The following COPG2 variants were observed in gnomAD, a reference collection of about 807,000 sequenced individuals.
COPG2 encodes coat protein complex I subunit gamma 2.
COPG2 carries 37 observed loss-of-function variants against 46.3 expected under a neutral mutation model. That is an observed-to-expected ratio of 0.80 (90% CI 0.61 to 1.05). The LOEUF (loss-of-function observed/expected upper bound fraction) is 1.05, where lower values mean the gene tolerates loss of function less well. Among genes scored for constraint, COPG2 ranks in the 50% least tolerant of loss-of-function variants. COPG2 has a pLI of 0.00. For synonymous variants in COPG2, 159 were observed against 129.7 expected (o/e 1.23, Z -1.53); for missense variants, 427 against 387.8 (o/e 1.10, Z -0.85).
intron 5 of COPG2, among the ~76,000 whole-genome samples, chr7:130,639,122 C>T (rs915688519): frequency 6.6e-6 from 1 of 152,186 alleles, no homozygotes; most frequent in African/African-American, 2.4e-5. Context: ...AGAAATCACC[C>T]GCCTTCCACG....
At chr7:130,601,364 G>T (rs539816972) in intron 9 of COPG2, among the ~76,000 whole-genome samples, 91 of 152,226 alleles carry the variant, frequency 6.0e-4, no homozygotes, top group South Asian at 3.5e-3. Flanking sequence ...ACATGCACAC[G>T]TATGTTTATT....
intron 9 of COPG2, 143 bp downstream of exon 9, chr7:130,610,810 A>G (rs782192195): frequency 2.7e-5 from 22 of 819,394 alleles, no homozygotes; most frequent in Non-Finnish European, 3.9e-5. Flanking sequence ...TTGAAATTCC[A>G]TAATTTTTTT....
chr7:130,575,915 G>C (rs1363260997), intron 9 of COPG2, among the ~76,000 whole-genome samples: 1 of 152,166 alleles, frequency 6.6e-6, no homozygotes, highest in Non-Finnish European at 1.5e-5. Context: ...AGGAGGGGTA[G>C]CTATTCTTAT....
At chr7:130,564,233 A>AAGCC (rs1793765826) in intron 10 of COPG2, 27 bp downstream of exon 10, 2 of 398,450 alleles carry the variant, frequency 5.0e-6, no homozygotes, top group African/African-American at 4.1e-5. Context: ...AGGAACATAA[A>AAGCC]AGCCAGCCAT....
chr7:130,560,702 C>G (rs1049217140), intron 12 of COPG2, among the ~76,000 whole-genome samples: 2 of 152,090 alleles, frequency 1.3e-5, no homozygotes, highest in East Asian at 3.9e-4. Context: ...CCAAAGCACT[C>G]CAACAGGGAA....
chr7:130,625,008 G>A (rs1330147170), intron 5 of COPG2, among the ~76,000 whole-genome samples: 2 of 152,174 alleles, frequency 1.3e-5, no homozygotes, highest in Admixed American at 6.5e-5. Flanking sequence ...CATAGTGGTT[G>A]TACTAATTTA....
chr7:130,576,587 G>A (rs1554446254), intron 9 of COPG2, among the ~76,000 whole-genome samples: 1 of 152,088 alleles, frequency 6.6e-6, no homozygotes, highest in Non-Finnish European at 1.5e-5. Context: ...AAAGTTCATA[G>A]CCCTCCATCA....
intron 5 of COPG2, among the ~76,000 whole-genome samples, chr7:130,633,136 A>T (rs1234537217): frequency 6.6e-6 from 1 of 152,018 alleles, no homozygotes; most frequent in Non-Finnish European, 1.5e-5. Context: ...TCTTTATCCA[A>T]TCTATCATTG....
chr7:130,567,028 C>T (rs1004660996), intron 9 of COPG2, among the ~76,000 whole-genome samples: 4 of 152,104 alleles, frequency 2.6e-5, no homozygotes, highest in African/African-American at 7.2e-5. Context: ...ATGAAGAAAA[C>T]GTAGTACATA....
At chr7:130,563,039 C>T (rs1271072443) in intron 11 of COPG2, among the ~76,000 whole-genome samples, 1 of 152,088 alleles carries the variant, frequency 6.6e-6, no homozygotes, top group Non-Finnish European at 1.5e-5. Flanking sequence ...CCATATTGGA[C>T]AGTGTGGCTC....
intron 9 of COPG2, among the ~76,000 whole-genome samples, chr7:130,602,086 C>T (rs1232408767): frequency 6.6e-6 from 1 of 152,198 alleles, no homozygotes; most frequent in Non-Finnish European, 1.5e-5. Context: ...TCAAACTGGA[C>T]AGATTCTCTC....
intron 20 of COPG2, chr7:130,509,990 CAGTA>C (rs1292167325): frequency 2.1e-6 from 1 of 481,020 alleles, no homozygotes; most frequent in Non-Finnish European, 4.2e-6. Flanking sequence ...CAGCTGGAAA[CAGTA>C]AGAGGCATGC....
chr7:130,545,090 A>C (rs1279310742), intron 20 of COPG2, among the ~76,000 whole-genome samples: 5 of 152,164 alleles, frequency 3.3e-5, no homozygotes, highest in African/African-American at 1.2e-4. Flanking sequence ...TAGAGAGGAT[A>C]AAGGAAGAAA....
intron 5 of COPG2, among the ~76,000 whole-genome samples, chr7:130,637,988 G>A (rs1795379613): frequency 6.6e-6 from 1 of 152,160 alleles, no homozygotes; most frequent in Admixed American, 6.5e-5. Context: ...ACCCTCTGCT[G>A]CAGGTCTGCT....
chr7:130,518,262 A>G (rs1486339185), intron 20 of COPG2, among the ~76,000 whole-genome samples: 9 of 152,348 alleles, frequency 5.9e-5, no homozygotes, highest in Admixed American at 3.3e-4. Flanking sequence ...TCTGAAGCAA[A>G]TGTAACATCA....
At chr7:130,519,005 CAA>C (rs1163859617) in intron 20 of COPG2, among the ~76,000 whole-genome samples, 47,366 of 115,904 alleles carry the variant, frequency 0.41, 9,296 homozygotes, top group East Asian at 0.55. Context: ...GACTCTGTCT[CAA>C]AAAAAAAAAA....
Position 130,613,701 on chromosome 7 carries a change from C to T in COPG2, c.400-65G>A, listed in dbSNP as rs1794898411. The T allele has an allele frequency of 1.2e-5, 12 of 1,042,116 alleles. No homozygotes were observed. The South Asian group carries it at 1.4e-4, about 12-fold the overall frequency. The allele number at this position is 1,042,116 out of a possible 1,614,324, so 64.6% of individuals were successfully genotyped here. On this transcript the variant is annotated intron_variant, in intron 6 of 23. Transcript: ENST00000425248. ...ATGCTTATGCAAAATTACTCTTATG[C>T]TTCAAAATAATTTTCAAAAACCAAT...
intron 5 of COPG2, among the ~76,000 whole-genome samples, chr7:130,626,621 C>A (rs554749877): frequency 6.6e-6 from 1 of 152,140 alleles, no homozygotes; most frequent in South Asian, 2.1e-4. Context: ...CATGTTTATT[C>A]TCCAAAATAA....
chr7:130,532,424 G>A (rs1382779424), intron 20 of COPG2, among the ~76,000 whole-genome samples: 1 of 152,108 alleles, frequency 6.6e-6, no homozygotes, highest in Non-Finnish European at 1.5e-5. Context: ...GAAGGAGAGC[G>A]TCTTGAAGAT....
Sources: gnomAD v4.1 joint callset for allele counts (sites outside exome capture counted in the v4.1 genomes callset) on GRCh38, gnomAD v4.1.1 for gene constraint, MANE v1.5 for transcripts, NCBI Gene and HGNC (gene_info 2026-07-23, HGNC 2026-07-21) for gene names.